PCGF6: variants seen among roughly 807,000 people sequenced by gnomAD.
The protein encoded by PCGF6 is polycomb group RING finger protein 6.
PCGF6 carries 24 observed loss-of-function variants against 45.5 expected under a neutral mutation model. That is an observed-to-expected ratio of 0.53 (90% CI 0.38 to 0.74). PCGF6 has a LOEUF of 0.74. PCGF6 is among the 30% of genes least tolerant of loss of function. The pLI is 0.00. For missense variants in PCGF6, 356 were observed against 443.2 expected (o/e 0.80, Z 1.77); for synonymous variants, 152 against 162.1 (o/e 0.94, Z 0.47).
intron 6 of PCGF6, among the ~76,000 whole-genome samples, chr10:103,344,546 G>A (rs1461391847): frequency 2.0e-5 from 3 of 151,826 alleles, no homozygotes; most frequent in African/African-American, 7.3e-5. Context: ...GGGATTACAG[G>A]CGTAAGCCAC....
At chr10:103,311,177 T>G (rs899784818) in intron 9 of PCGF6, among the ~76,000 whole-genome samples, 3 of 152,274 alleles carry the variant, frequency 2.0e-5, no homozygotes, top group Middle Eastern at 3.4e-3. Context: ...AGTCTTGCTC[T>G]GCCGTCCAGG....
chr10:103,333,799 ATAT>A (rs1289484901), intron 7 of PCGF6, 123 bp downstream of exon 7: 6 of 634,300 alleles, frequency 9.5e-6, no homozygotes, highest in Non-Finnish European at 1.3e-5. Context: ...TAAATCTATA[ATAT>A]TATTAAATGT....
At chr10:103,309,206 G>A (rs974297665) in intron 9 of PCGF6, among the ~76,000 whole-genome samples, 1 of 151,504 alleles carries the variant, frequency 6.6e-6, no homozygotes, top group Non-Finnish European at 1.5e-5. Flanking sequence ...TGGGGGGGGG[G>A]CATGATTTGG....
chr10:103,344,419 C>G lies in PCGF6; in HGVS notation c.782+605G>C, dbSNP rs992725188. ...CCCGAGTAGCTGGGATTACAGGCAC[C>G]TGCCACCATGCCTGGATAATTTTTG... is the stretch of plus-strand genomic sequence containing the variant. On this transcript the variant is annotated intron_variant, in intron 6 of 9. Transcript: ENST00000369847. 2.0e-5 allele frequency among the ~76,000 whole-genome samples: 3 copies of G among 151,856 alleles called. No homozygotes were observed. In the South Asian group the frequency reaches 6.2e-4, roughly 32 times the overall value.
At chr10:103,316,011 T>TAG (rs1405037542) in intron 8 of PCGF6, among the ~76,000 whole-genome samples, 8,537 of 129,576 alleles carry the variant, frequency 0.066, 321 homozygotes, top group Non-Finnish European at 0.097. Context: ...TATATATATA[T>TAG]ATAGAGAGAG....
intron 8 of PCGF6, among the ~76,000 whole-genome samples, chr10:103,322,084 C>G (rs2093199638): frequency 6.6e-6 from 1 of 151,982 alleles, no homozygotes; most frequent in Non-Finnish European, 1.5e-5. Flanking sequence ...TTACTAGGGA[C>G]AGGGTTACAC....
intron 9 of PCGF6, among the ~76,000 whole-genome samples, chr10:103,305,271 C>A (rs1373642481): frequency 1.3e-5 from 2 of 151,720 alleles, no homozygotes; most frequent in Non-Finnish European, 2.9e-5. Flanking sequence ...ACGCATCCAG[C>A]CCAGACTTTT....
chr10:103,313,302 C>T (rs2093163836), intron 9 of PCGF6, among the ~76,000 whole-genome samples: 1 of 152,218 alleles, frequency 6.6e-6, no homozygotes, highest in Non-Finnish European at 1.5e-5. Flanking sequence ...GAGGGGCTCA[C>T]CCCTGTAATC....
intron 6 of PCGF6, among the ~76,000 whole-genome samples, chr10:103,341,944 CT>C (rs1009411836): frequency 4.0e-5 from 6 of 149,184 alleles, no homozygotes; most frequent in Admixed American, 1.3e-4. Context: ...TTAATATGTT[CT>C]TTTTTTTTTC....
At chr10:103,339,913 G>A (rs534214788) in intron 6 of PCGF6, among the ~76,000 whole-genome samples, 25 of 133,162 alleles carry the variant, frequency 1.9e-4, no homozygotes, top group African/African-American at 6.3e-4. Context: ...CCTGTAATCC[G>A]AGCACTCTGG....
intron 6 of PCGF6, among the ~76,000 whole-genome samples, chr10:103,338,386 CA>C (rs1301087724): frequency 6.7e-6 from 1 of 148,198 alleles, no homozygotes. Flanking sequence ...TACAAAAAAA[CA>C]AAAAAAAATT....
intron 1 of PCGF6, among the ~76,000 whole-genome samples, chr10:103,349,479 G>GTTTTTTTTT (rs11450842): frequency 9.2e-6 from 1 of 108,148 alleles, no homozygotes. Context: ...CTTTCTTTCC[G>GTTTTTTTTT]TTTTTTTTTT....
chr10:103,345,506 T>C (rs1286862796), intron 5 of PCGF6, among the ~76,000 whole-genome samples: 2 of 121,374 alleles, frequency 1.6e-5, no homozygotes. Flanking sequence ...CCAGTGCTAC[T>C]GCTTTTTTTT....
At chr10:103,312,944 G>A (rs566380357) in intron 9 of PCGF6, among the ~76,000 whole-genome samples, 1 of 151,348 alleles carries the variant, frequency 6.6e-6, no homozygotes, top group African/African-American at 2.4e-5. Context: ...CTGGGCGACA[G>A]AGCGAGACTC....
intron 8 of PCGF6, among the ~76,000 whole-genome samples, chr10:103,315,937 T>C (rs1240520367): frequency 1.3e-5 from 2 of 151,554 alleles, no homozygotes; most frequent in Non-Finnish European, 2.9e-5. Flanking sequence ...TCCTATTACC[T>C]TAAAATGGGG....
At chr10:103,347,539 T>C (rs2133601130) in intron 3 of PCGF6, 89 bp from the exon 4 acceptor site, 1 of 1,058,650 alleles carries the variant, frequency 9.4e-7, no homozygotes, top group South Asian at 1.4e-5. Context: ...CTCTTGAGAG[T>C]GGGTATCTTT....
intron 9 of PCGF6, among the ~76,000 whole-genome samples, chr10:103,313,783 CA>C (rs1328534043): frequency 2.6e-5 from 4 of 152,082 alleles, no homozygotes; most frequent in Non-Finnish European, 5.9e-5. Flanking sequence ...CTTCTGGATG[CA>C]TTGGCCTAGA....
rs1382401096 is a variant in PCGF6, at chr10:103,324,186, G to A, written c.909+2348C>T. Among the ~76,000 whole-genome samples the A allele has an allele frequency of 2.6e-5, 4 of 151,958 alleles. No homozygotes were observed. In the East Asian group the frequency reaches 5.8e-4, roughly 22 times the overall value. ...ACTCCTGACCTCAAATGATCCACCT[G>A]CCTTGGCCTCCCAAAGTACTGGGAT... On this transcript the variant is annotated intron_variant, in intron 8 of 9. Transcript: ENST00000369847.
chr10:103,344,866 G>A (rs948477168), intron 6 of PCGF6, among the ~76,000 whole-genome samples, 158 bp downstream of exon 6: 3 of 151,984 alleles, frequency 2.0e-5, no homozygotes, highest in African/African-American at 4.8e-5. Flanking sequence ...CACTGCACCC[G>A]GCCCTTTATA....
Sources: gnomAD v4.1 joint callset for allele counts (sites outside exome capture counted in the v4.1 genomes callset) on GRCh38, gnomAD v4.1.1 for gene constraint, MANE v1.5 for transcripts, NCBI Gene and HGNC (gene_info 2026-07-23, HGNC 2026-07-21) for gene names.